The following SLC60A1 variants were observed in gnomAD, a reference collection of about 807,000 sequenced individuals.
SLC60A1 encodes major facilitator superfamily domain containing 4.
chr1:205,600,564 C>A, the SLC60A1 span: 2 of 1,087,464 alleles, frequency 1.8e-6, no homozygotes, highest in South Asian at 1.4e-5. Flanking sequence ...CTCTCAATGG[C>A]TATTCAAGTC....
the SLC60A1 span, among the ~76,000 whole-genome samples, chr1:205,582,976 C>T: frequency 4.6e-5 from 7 of 152,310 alleles, no homozygotes; most frequent in South Asian, 4.1e-4. Context: ...ATGCCTCTCC[C>T]GTGGGCCAGG....
chr1:205,600,246 C>T, the SLC60A1 span: 4 of 615,086 alleles, frequency 6.5e-6, no homozygotes, highest in Non-Finnish European at 1.1e-5. Context: ...CCTCCACCAA[C>T]TGTTCGCCAG....
the SLC60A1 span, among the ~76,000 whole-genome samples, chr1:205,596,207 T>C: frequency 1.3e-5 from 2 of 152,178 alleles, no homozygotes; most frequent in Admixed American, 6.5e-5. Flanking sequence ...TTGCCAGTGA[T>C]CTATAAGACA....
At chr1:205,574,580 C>A in the SLC60A1 span, among the ~76,000 whole-genome samples, 4 of 152,106 alleles carry the variant, frequency 2.6e-5, no homozygotes, top group African/African-American at 9.7e-5. Flanking sequence ...GGAGCCCACA[C>A]TGTGGAGAAT....
the SLC60A1 span, among the ~76,000 whole-genome samples, chr1:205,569,868 G>A: frequency 2.0e-5 from 3 of 152,118 alleles, no homozygotes; most frequent in African/African-American, 7.2e-5. Context: ...CTTCCCCCGG[G>A]TAGCCACGGG....
chr1:205,570,057 C>T, the SLC60A1 span, among the ~76,000 whole-genome samples: 1 of 152,158 alleles, frequency 6.6e-6, no homozygotes, highest in Non-Finnish European at 1.5e-5. Flanking sequence ...CCACTCCCCA[C>T]CCACCTCATC....
chr1:205,571,496 G>C, the SLC60A1 span, among the ~76,000 whole-genome samples: 6 of 152,254 alleles, frequency 3.9e-5, no homozygotes, highest in South Asian at 1.0e-3. Flanking sequence ...TTTGGGGTGG[G>C]GTAGATCCTA....
At chr1:205,592,157 G>C in the SLC60A1 span, 1 of 1,614,126 alleles carries the variant, frequency 6.2e-7, no homozygotes, top group Non-Finnish European at 8.5e-7. Flanking sequence ...TGGTGGTGAC[G>C]TTCCTGGTGC....
At chr1:205,583,408 G>T in the SLC60A1 span, among the ~76,000 whole-genome samples, 1 of 152,202 alleles carries the variant, frequency 6.6e-6, no homozygotes, top group African/African-American at 2.4e-5. Context: ...GGTAGAGACA[G>T]CACTGGAAGG....
At chr1:205,584,737 CAGAA>C in the SLC60A1 span, 1 of 736,620 alleles carries the variant, frequency 1.4e-6, no homozygotes, top group Non-Finnish European at 2.4e-6. Flanking sequence ...TTATTCCTAA[CAGAA>C]AGGTCGTGAA....
chr1:205,579,490 C>CG, the SLC60A1 span: 2 of 573,486 alleles, frequency 3.5e-6, no homozygotes, highest in East Asian at 5.6e-5. Flanking sequence ...AAGGAAATAA[C>CG]GTGCAATTGT....
At chr1:205,585,178 T>G in the SLC60A1 span, among the ~76,000 whole-genome samples, 1 of 152,222 alleles carries the variant, frequency 6.6e-6, no homozygotes, top group Admixed American at 6.5e-5. This position sits in a 1 kb window ranked among gnomAD's most constrained non-coding sequence, Gnocchi z 4.2. Context: ...AGCACGTTGG[T>G]ACTATGGGCT....
chr1:205,576,428 G>C, the SLC60A1 span, among the ~76,000 whole-genome samples: 1 of 152,182 alleles, frequency 6.6e-6, no homozygotes, highest in Non-Finnish European at 1.5e-5. Flanking sequence ...CTCATGCAGA[G>C]CTTGTTATCC....
chr1:205,570,477 G>C, the SLC60A1 span, among the ~76,000 whole-genome samples: 1 of 152,232 alleles, frequency 6.6e-6, no homozygotes, highest in Non-Finnish European at 1.5e-5. Context: ...AGGTGTTCGT[G>C]AGGGCAGGTG....
the SLC60A1 span, among the ~76,000 whole-genome samples, chr1:205,573,261 AAAAC>A: frequency 6.6e-6 from 1 of 152,062 alleles, no homozygotes. Context: ...AAAAAAAACA[AAAAC>A]AAAAATTAGC....
chr1:205,601,987 A>G, the SLC60A1 span: 1 of 152,262 alleles, frequency 6.6e-6, no homozygotes, highest in Non-Finnish European at 1.5e-5. Context: ...GCTGTGCAGT[A>G]GTAGACTGAA....
At chr1:205,594,251 T>G in the SLC60A1 span, among the ~76,000 whole-genome samples, 1 of 152,180 alleles carries the variant, frequency 6.6e-6, no homozygotes, top group African/African-American at 2.4e-5. Flanking sequence ...CCCTCACGCA[T>G]CAGTCTCCAA....
chr1:205,593,357 G>C, the SLC60A1 span, among the ~76,000 whole-genome samples: 3 of 140,694 alleles, frequency 2.1e-5, no homozygotes, highest in Non-Finnish European at 4.6e-5. Context: ...TGTAGTCCCA[G>C]CTACTCGGGA....
At chr1:205,587,246 C>T in the SLC60A1 span, among the ~76,000 whole-genome samples, 1 of 152,214 alleles carries the variant, frequency 6.6e-6, no homozygotes, top group Non-Finnish European at 1.5e-5. Flanking sequence ...TCTGCTTAAA[C>T]ACCTCTAGTA....
Sources: gnomAD v4.1 joint callset for allele counts (sites outside exome capture counted in the v4.1 genomes callset) on GRCh38, gnomAD v4.1.1 for gene constraint, Gnocchi (gnomAD v3.1) non-coding constraint, MANE v1.5 for transcripts, NCBI Gene and HGNC (gene_info 2026-07-23, HGNC 2026-07-21) for gene names.